The following ZNF804B variants were observed in gnomAD, a reference collection of about 807,000 sequenced individuals.
ZNF804B encodes zinc finger 804B.
In ZNF804B, 80 loss-of-function variants were observed where a neutral mutation model predicts 101.4. The observed-to-expected ratio is 0.79, with a 90% CI of 0.66 to 0.95. ZNF804B has a LOEUF of 0.95. Ranked by LOEUF, ZNF804B falls within the 40% of genes least tolerant of loss-of-function variation. The pLI, the probability that ZNF804B is intolerant of heterozygous loss-of-function variation, is 0.00. For synonymous variants in ZNF804B, 622 were observed against 558.8 expected (o/e 1.11, Z -1.59); for missense variants, 1,673 against 1,561.9 (o/e 1.07, Z -1.20).
chr7:88,860,218 A>G (rs911446056), intron 1 of ZNF804B, among the ~76,000 whole-genome samples: 14 of 152,074 alleles, frequency 9.2e-5, no homozygotes, highest in African/African-American at 2.4e-4. Context: ...GTAGAGGGCA[A>G]TAGTATATTC....
intron 1 of ZNF804B, among the ~76,000 whole-genome samples, chr7:89,172,096 T>C (rs1331355525): frequency 6.6e-6 from 1 of 152,116 alleles, no homozygotes; most frequent in Admixed American, 6.6e-5. Flanking sequence ...TTCATGGCAC[T>C]ATATAATAAA....
intron 1 of ZNF804B, among the ~76,000 whole-genome samples, chr7:89,207,967 G>C (rs182864456): frequency 6.6e-6 from 1 of 151,922 alleles, no homozygotes; most frequent in Non-Finnish European, 1.5e-5. Flanking sequence ...ACTGGTGAGC[G>C]CTGATATGTT....
At chr7:89,190,568 C>T (rs4637735) in intron 1 of ZNF804B, among the ~76,000 whole-genome samples, 36,502 of 151,950 alleles carry the variant, frequency 0.24, 4,579 homozygotes, top group Non-Finnish European at 0.27. Flanking sequence ...TAGTTGATAA[C>T]GCAGCTGCAG....
intron 1 of ZNF804B, among the ~76,000 whole-genome samples, chr7:88,893,218 T>C (rs566689948): frequency 8.5e-5 from 13 of 152,214 alleles, no homozygotes; most frequent in South Asian, 4.1e-4. Flanking sequence ...TATTTTATTA[T>C]AGTTTCTGAC....
At chr7:89,175,741 T>A (rs971880245) in intron 1 of ZNF804B, among the ~76,000 whole-genome samples, 2 of 152,058 alleles carry the variant, frequency 1.3e-5, no homozygotes, top group African/African-American at 4.8e-5. Flanking sequence ...TTTTCAATAT[T>A]TTTCATCAAT....
At chr7:89,193,976 TG>T (rs1317491819) in intron 1 of ZNF804B, among the ~76,000 whole-genome samples, 2 of 152,184 alleles carry the variant, frequency 1.3e-5, no homozygotes, top group Non-Finnish European at 2.9e-5. Flanking sequence ...CAGCACCTGT[TG>T]TTTCCTGACT....
At chr7:89,295,224 T>C (rs911868588) in intron 2 of ZNF804B, among the ~76,000 whole-genome samples, 1 of 152,178 alleles carries the variant, frequency 6.6e-6, no homozygotes, top group African/African-American at 2.4e-5. Context: ...TGGGCCCATT[T>C]TTATATTTCT....
intron 1 of ZNF804B, among the ~76,000 whole-genome samples, chr7:89,172,697 A>T (rs1791255235): frequency 6.6e-6 from 1 of 152,198 alleles, no homozygotes; most frequent in African/African-American, 2.4e-5. Context: ...ATTATGGTTA[A>T]GCAAAATTCA....
intron 1 of ZNF804B, among the ~76,000 whole-genome samples, chr7:88,773,383 C>T (rs535917926): frequency 6.7e-6 from 1 of 149,136 alleles, no homozygotes; most frequent in South Asian, 2.1e-4. Context: ...AAAAATATTT[C>T]AACTGGGGAG....
At chr7:89,302,144 T>C (rs1252313432) in intron 2 of ZNF804B, among the ~76,000 whole-genome samples, 1 of 151,894 alleles carries the variant, frequency 6.6e-6, no homozygotes, top group Non-Finnish European at 1.5e-5. Flanking sequence ...ATCTGTTGCA[T>C]CATTCTTTCC....
intron 3 of ZNF804B, among the ~76,000 whole-genome samples, chr7:89,330,369 T>C (rs934753120): frequency 6.6e-6 from 1 of 151,676 alleles, no homozygotes; most frequent in Admixed American, 6.6e-5. Flanking sequence ...AGAGTGAATC[T>C]AGTGCCCTTA....
At chr7:88,793,957 T>C in intron 1 of ZNF804B, 1 of 394,262 alleles carries the variant, frequency 2.5e-6, no homozygotes, top group East Asian at 3.7e-5. Flanking sequence ...GATAAACTTA[T>C]TAAACCCATC....
At position 89,009,993 on chromosome 7, in the gene ZNF804B, T is replaced by G. The variant is rs148397743; in HGVS notation, c.109-208162T>G. 6.2e-4 allele frequency among the ~76,000 whole-genome samples: 94 copies of G among 152,308 alleles called. No homozygotes were observed. In the East Asian group the frequency reaches 0.016, roughly 27 times the overall value. Reference sequence around the variant, plus strand: ...TCCATTATTTCCTCAGCTCTAAATCTATCACCAAATTCTTTTATTAAGTTT... The same window carrying G: ...TCCATTATTTCCTCAGCTCTAAATCGATCACCAAATTCTTTTATTAAGTTT... On this transcript the variant is annotated intron_variant, in intron 1 of 3. Coordinates refer to ENST00000333190, the MANE Select transcript of ZNF804B (RefSeq NM_181646.5).
At chr7:89,164,269 G>T (rs1252519001) in intron 1 of ZNF804B, among the ~76,000 whole-genome samples, 3 of 151,922 alleles carry the variant, frequency 2.0e-5, no homozygotes, top group African/African-American at 7.2e-5. Flanking sequence ...TGTCCTATGT[G>T]TCCAGGACAG....
At chr7:88,866,107 G>A (rs1440794621) in intron 1 of ZNF804B, among the ~76,000 whole-genome samples, 3 of 152,226 alleles carry the variant, frequency 2.0e-5, no homozygotes, top group African/African-American at 7.2e-5. Flanking sequence ...TAGAATAGGC[G>A]ACTGACCAGA....
At chr7:88,969,038 C>G (rs1271858547) in intron 1 of ZNF804B, among the ~76,000 whole-genome samples, 2 of 151,500 alleles carry the variant, frequency 1.3e-5, no homozygotes, top group Admixed American at 6.6e-5. Context: ...TTTATTAAAG[C>G]AGCTAATGTT....
At chr7:88,811,055 A>T (rs542704031) in intron 1 of ZNF804B, among the ~76,000 whole-genome samples, 3,279 of 142,848 alleles carry the variant, frequency 0.023, 109 homozygotes, top group African/African-American at 0.082. Flanking sequence ...TCTCAGAATT[A>T]AAAAAAAAAA....
At chr7:89,278,759 T>C (rs1284461286) in intron 2 of ZNF804B, among the ~76,000 whole-genome samples, 3 of 150,192 alleles carry the variant, frequency 2.0e-5, no homozygotes, top group Non-Finnish European at 4.5e-5. Context: ...TGTAGCCTTG[T>C]AGTATAGTTT....
At chr7:89,220,053 A>ATG (rs1788972839) in intron 2 of ZNF804B, among the ~76,000 whole-genome samples, 1 of 138,000 alleles carries the variant, frequency 7.2e-6, no homozygotes, top group African/African-American at 2.8e-5. Flanking sequence ...GTGCATATAT[A>ATG]CATATATACG....
Sources: allele counts gnomAD v4.1 joint callset (sites outside exome capture counted in the v4.1 genomes callset), GRCh38; gene constraint gnomAD v4.1.1; transcripts MANE v1.5; gene names NCBI Gene and HGNC (gene_info 2026-07-23, HGNC 2026-07-21).